CACNA1I: variants seen among roughly 807,000 people sequenced by gnomAD.
CACNA1I encodes the protein calcium voltage-gated channel subunit alpha1 I, also known as voltage-dependent T-type calcium channel subunit alpha-1I.
Under a neutral mutation model 201.6 loss-of-function variants are expected in CACNA1I, and 74 were observed. The observed-to-expected ratio is 0.37, with a 90% CI of 0.30 to 0.45. The LOEUF (loss-of-function observed/expected upper bound fraction) is 0.45. Ranked by LOEUF, CACNA1I falls within the 20% of genes least tolerant of loss-of-function variation. The probability of loss-of-function intolerance (pLI) is 1.00; values close to 1 mark genes in which losing one functional copy is unlikely to be tolerated. For synonymous variants in CACNA1I, 1,431 were observed against 1,345.2 expected (o/e 1.06, Z -1.40); for missense variants, 2,346 against 3,138.1 (o/e 0.75, Z 6.03).
At chr22:39,578,744 C>T (rs1239725477) in intron 1 of CACNA1I, among the ~76,000 whole-genome samples, 4 of 152,180 alleles carry the variant, frequency 2.6e-5, no homozygotes, top group South Asian at 2.1e-4. Flanking sequence ...TCCTGGGAAT[C>T]GGCTAACTGA....
In CACNA1I at chr22:39,688,674, G is replaced by C. The variant is rs1935953671; in HGVS notation, c.*2269G>C. Reference sequence around the variant, plus strand: ...TGAGCAGCCTTTCCTGTTGTCACATGGGTTCAGAGCAGCTGAGCAGGGAAC... The same window carrying C: ...TGAGCAGCCTTTCCTGTTGTCACATCGGTTCAGAGCAGCTGAGCAGGGAAC... On this transcript the variant is annotated 3_prime_UTR_variant, in exon 37 of 37. Transcript: ENST00000402142. This position sits in a 1 kb window ranked among gnomAD's most constrained non-coding sequence, Gnocchi z 4.8. 1 of 152,238 alleles carries C rather than the reference G, an allele frequency of 6.6e-6. No individual in the cohort carries two copies. The highest frequency in any genetic ancestry group is 2.4e-5 in the African/African-American group (1 of 41,424). The allele number at this position is 152,238 out of a possible 1,614,324, so 9.4% of individuals were successfully genotyped here. A position where few individuals can be genotyped will look rare whatever the true frequency, so the allele number is the denominator to read the frequency against.
chr22:39,593,674 A>T (rs989008741), intron 1 of CACNA1I, among the ~76,000 whole-genome samples: 3 of 152,086 alleles, frequency 2.0e-5, no homozygotes, highest in African/African-American at 7.2e-5. Context: ...CTTGAGCAGG[A>T]GAGAGGCATC....
Position 39,665,029 on chromosome 22 carries a change from C to A in CACNA1I, c.3851+106C>A. ...CGCCCTCCCCGCCCGCCCACTCGGT[C>A]CTCCAATAGTGAGTGCCAAACACCC... On this transcript the variant is annotated intron_variant, in intron 21 of 36. Transcript: ENST00000402142. This position sits in a 1 kb window ranked among gnomAD's most constrained non-coding sequence, Gnocchi z 5.5. The A allele has an allele frequency of 1.9e-6, 2 of 1,035,138 alleles. No individual in the cohort carries two copies. Among genetic ancestry groups the A allele is most frequent in the Non-Finnish European group, 2.8e-6 (2 of 709,036 alleles). The allele number at this position is 1,035,138 out of a possible 1,614,324, so 64.1% of individuals were successfully genotyped here. A position where few individuals can be genotyped will look rare whatever the true frequency, so the allele number is the denominator to read the frequency against.
At chr22:39,664,986 C>A in intron 21 of CACNA1I, 63 bp downstream of exon 21, 1 of 1,501,830 alleles carries the variant, frequency 6.7e-7, no homozygotes, top group South Asian at 1.2e-5. Flanking sequence ...AGCCACGGGT[C>A]GAATTGGGCC....
At chr22:39,662,725 C>T (rs567020647) in intron 17 of CACNA1I, 51 bp from the exon 18 acceptor site, 6 of 1,338,622 alleles carry the variant, frequency 4.5e-6, no homozygotes, top group Non-Finnish European at 4.2e-6. Flanking sequence ...GGGCGGAGAC[C>T]GGCAACCCTG....
At chr22:39,679,034 TG>T in intron 31 of CACNA1I, 72 bp from the exon 32 acceptor site, 1 of 1,236,776 alleles carries the variant, frequency 8.1e-7, no homozygotes, top group Non-Finnish European at 1.1e-6. Flanking sequence ...AGCGTGGCCC[TG>T]GGCTGGCCTC....
intron 5 of CACNA1I, among the ~76,000 whole-genome samples, chr22:39,640,020 A>T (rs2146418540): frequency 6.6e-6 from 1 of 152,334 alleles, no homozygotes; most frequent in South Asian, 2.1e-4. Flanking sequence ...TAGGATTGCA[A>T]TGAAGCATAG....
rs1352878126 is a variant in CACNA1I at position 39,685,277 on chromosome 22, CAGGTGGGGGGCCCCGGGGTTGGG to C, written c.6028-472_6028-450del. 2.4e-5 allele frequency: 2 copies of C among 82,818 alleles called. No individual in the cohort carries two copies. The highest frequency in any genetic ancestry group is 9.9e-5 in the African/African-American group (2 of 20,290). The allele number at this position is 82,818 out of a possible 1,614,324, so 5.1% of individuals were successfully genotyped here. On this transcript the variant is annotated intron_variant, in intron 36 of 36. Coordinates refer to ENST00000402142, the MANE Select transcript of CACNA1I (RefSeq NM_021096.4). The surrounding 1 kb of genome is among the most constrained non-coding windows in gnomAD (Gnocchi z 5.0). ...GAGAACAGCTCCTGGGGAGGGGCTGCAGGTGGGGGGCCCCGGGGTTGGGAGGTGGGGGGCTCTGGGGCTGGGAG... is the reference window on the plus strand; with the variant it reads ...GAGAACAGCTCCTGGGGAGGGGCTGCAGGTGGGGGGCTCTGGGGCTGGGAG...
In CACNA1I at chr22:39,662,405, T is replaced by C; in HGVS notation, c.3342T>C (p.Asp1114=). Residue 1114 remains aspartate, a synonymous_variant, in exon 17 of 37, where the codon GAT becomes GAC. Transcript: ENST00000402142. ...DVFTKMGDRG[D]RGEDEEEIDY... ...TCACCAAGATGGGCGACCGCGGGGA[T>C]CGCGGGGAGGATGAGGAGGAAATCG... 6.9e-7 allele frequency: 1 copy of C among 1,458,664 alleles called. No homozygotes were observed. Among genetic ancestry groups the C allele is most frequent in the South Asian group, 1.4e-5 (1 of 71,582 alleles). The allele number at this position is 1,458,664 out of a possible 1,614,324, so 90.4% of individuals were successfully genotyped here.
chr22:39,620,758 G>GT (rs2146395327), intron 4 of CACNA1I, among the ~76,000 whole-genome samples: 2 of 135,258 alleles, frequency 1.5e-5, no homozygotes, highest in African/African-American at 4.9e-5. Context: ...TTGTTTGTTT[G>GT]TTTGTTTTTT....
intron 3 of CACNA1I, among the ~76,000 whole-genome samples, chr22:39,616,939 C>G (rs879866115): frequency 1.3e-5 from 2 of 152,006 alleles, no homozygotes; most frequent in Non-Finnish European, 2.9e-5. Flanking sequence ...GAAGGTGGAG[C>G]CTGGTGGCCG....
Position 39,685,827 on chromosome 22 carries a change from C to T in CACNA1I, c.6094C>T (p.Leu2032Phe). ...SSSAGSLQTT[L>F]EDSLTLSDSP... ...CTCCGCGGGCAGCCTGCAGACCACGCTCGAGGACAGCCTGACCCTGAGCGA... is the reference window on the plus strand; with the variant it reads ...CTCCGCGGGCAGCCTGCAGACCACGTTCGAGGACAGCCTGACCCTGAGCGA... Residue 2032 changes from leucine to phenylalanine, a missense_variant, in exon 37 of 37, where the codon CTC becomes TTC. This residue lies in a region of CACNA1I where 441 missense variants were observed against 555.6 expected (regional missense o/e 0.79). Transcript: ENST00000402142. This position sits in a 1 kb window ranked among gnomAD's most constrained non-coding sequence, Gnocchi z 5.0. 2 of 1,496,248 alleles carry T rather than the reference C, an allele frequency of 1.3e-6. No homozygotes were observed. Among genetic ancestry groups the T allele is most frequent in the Non-Finnish European group, 1.8e-6 (2 of 1,130,500 alleles). The allele number at this position is 1,496,248 out of a possible 1,614,324, so 92.7% of individuals were successfully genotyped here.
chr22:39,600,339 A>G lies in CACNA1I; in HGVS notation c.349-181A>G, dbSNP rs1932996635. Among the ~76,000 whole-genome samples, 4 of 152,016 alleles carry G rather than the reference A, an allele frequency of 2.6e-5. No homozygotes were observed. The South Asian group carries it at 8.3e-4, about 31-fold the overall frequency. ...TCTCTGGGCCACAGTCTCCTCATCT[A>G]TGAAATGACTGCATTGGACTGGGAT... is the stretch of plus-strand genomic sequence containing the variant. On this transcript the variant is annotated intron_variant, in intron 2 of 36. Coordinates refer to ENST00000402142, the MANE Select transcript of CACNA1I (RefSeq NM_021096.4).
chr22:39,685,691 G>T lies in CACNA1I; in HGVS notation c.6028-70G>T, dbSNP rs577632329. 29 of 1,279,622 alleles carry T rather than the reference G, an allele frequency of 2.3e-5. No homozygotes were observed. In the South Asian group the frequency reaches 4.6e-4, roughly 20 times the overall value. The allele number at this position is 1,279,622 out of a possible 1,614,324, so 79.3% of individuals were successfully genotyped here. On this transcript the variant is annotated intron_variant, in intron 36 of 36. Transcript: ENST00000402142. This position sits in a 1 kb window ranked among gnomAD's most constrained non-coding sequence, Gnocchi z 5.0. ...TCTGCCTGCTGCCTGCTGTGCGGGG[G>T]AGGGCGGCGTCCAGGTTGCTGGGGT...
chr22:39,677,438 A>G lies in CACNA1I; in HGVS notation c.4933+19A>G. 2 of 1,496,876 alleles carry G rather than the reference A, an allele frequency of 1.3e-6. No individual in the cohort carries two copies. The highest frequency in any genetic ancestry group is 1.8e-6 in the Non-Finnish European group (2 of 1,109,036). 92.7% of individuals were successfully genotyped at this position (1,496,876 alleles called of 1,614,324 possible). ...AAGCTGGGTGAGTGACTCCCAGAGC[A>G]GGCCCGTGGTGGGGGTGCAGCAGGG... On this transcript the variant is annotated intron_variant, in intron 30 of 36. Transcript: ENST00000402142. This position sits in a 1 kb window ranked among gnomAD's most constrained non-coding sequence, Gnocchi z 4.8.
At chr22:39,576,021 C>A (rs956584374) in intron 1 of CACNA1I, among the ~76,000 whole-genome samples, 1 of 152,094 alleles carries the variant, frequency 6.6e-6, no homozygotes, top group Non-Finnish European at 1.5e-5. Context: ...GTGATCTGCC[C>A]GCCTCGGCCT....
At chr22:39,670,721 C>T (rs1935346956) in intron 25 of CACNA1I, 82 bp from the exon 26 acceptor site, 1 of 1,386,560 alleles carries the variant, frequency 7.2e-7, no homozygotes, top group African/African-American at 1.4e-5. Context: ...TTTCCTCCAC[C>T]TTTCTGTCCT....
Position 39,685,751 on chromosome 22 carries a change from CT to C in CACNA1I, c.6028-9del. On this transcript the variant is annotated splice_polypyrimidine_tract_variant and intron_variant, in intron 36 of 36. Coordinates refer to ENST00000402142, the MANE Select transcript of CACNA1I (RefSeq NM_021096.4). The surrounding 1 kb of genome is among the most constrained non-coding windows in gnomAD (Gnocchi z 5.0). ...CACAGGCGGCCTCCACGGCTCCCAC[CT>C]CCCCCCAGGCCACCGGGAGCGACAC... 6.8e-7 allele frequency: 1 copy of C among 1,462,266 alleles called. No individual in the cohort carries two copies. The highest frequency in any genetic ancestry group is 9.0e-7 in the Non-Finnish European group (1 of 1,115,604). 90.6% of individuals were successfully genotyped at this position (1,462,266 alleles called of 1,614,324 possible).
chr22:39,630,948 G>A (rs1434351064), intron 4 of CACNA1I, among the ~76,000 whole-genome samples: 1 of 152,120 alleles, frequency 6.6e-6, no homozygotes, highest in Non-Finnish European at 1.5e-5. Flanking sequence ...CAGTCAGGCT[G>A]GTGCCGCAGG....
Sources: gnomAD v4.1 joint callset for allele counts (sites outside exome capture counted in the v4.1 genomes callset) on GRCh38, gnomAD v4.1.1 for gene constraint, gnomAD v4.1.1 regional missense constraint, Gnocchi (gnomAD v3.1) non-coding constraint, MANE v1.5 for transcripts, NCBI Gene and HGNC (gene_info 2026-07-23, HGNC 2026-07-21) for gene names.